The following RNF150 variants were observed in gnomAD, a reference collection of about 807,000 sequenced individuals.
RNF150 encodes ring finger protein 150.
A neutral mutation model predicts 39.3 loss-of-function variants in RNF150; 24 were observed. The ratio of observed to expected loss-of-function variants is 0.61; its 90% CI spans 0.44 to 0.86. The LOEUF (loss-of-function observed/expected upper bound fraction) is 0.86. Ranked by LOEUF, RNF150 falls within the 40% of genes least tolerant of loss-of-function variation. RNF150 has a pLI of 0.00. For missense variants in RNF150, 502 were observed against 587.8 expected, an observed-to-expected ratio of 0.85 and a Z score of 1.51; for synonymous variants, 255 against 227.3, an observed-to-expected ratio of 1.12 and a Z score of -1.10.
chr4:140,881,753 T>C (rs1383653273), intron 6 of RNF150, among the ~76,000 whole-genome samples: 1 of 152,106 alleles, frequency 6.6e-6, no homozygotes, highest in Non-Finnish European at 1.5e-5. Flanking sequence ...TAGTGACATG[T>C]ACCTGCAGTC....
chr4:141,125,747 T>C (rs941588388), intron 1 of RNF150, among the ~76,000 whole-genome samples: 3 of 152,200 alleles, frequency 2.0e-5, no homozygotes, highest in African/African-American at 7.2e-5. Flanking sequence ...TCCAGGTTCT[T>C]TCTGGACCTT....
chr4:141,130,668 A>C (rs1268492809), intron 1 of RNF150, among the ~76,000 whole-genome samples: 15 of 152,246 alleles, frequency 9.9e-5, no homozygotes. Flanking sequence ...AATCTCACAA[A>C]GTCAGCTAAC....
At position 140,895,859 on chromosome 4, in the gene RNF150, A is replaced by G. The variant is rs539391035; in HGVS notation, c.1198+15285T>C. 1.2e-4 allele frequency among the ~76,000 whole-genome samples: 19 copies of G among 152,304 alleles called. No homozygotes were observed. In the South Asian group the frequency reaches 3.5e-3, roughly 28 times the overall value. ...ATTTCAGTATCTAAGATTTTTAAAG[A>G]ATTTTTTTTCTGCGAAGGACATGAA... On this transcript the variant is annotated intron_variant, in intron 6 of 6. Transcript: ENST00000515673.
At chr4:141,065,693 A>C (rs908219659) in intron 1 of RNF150, among the ~76,000 whole-genome samples, 2 of 152,104 alleles carry the variant, frequency 1.3e-5, no homozygotes, top group African/African-American at 4.8e-5. Context: ...CCAGTCCTTA[A>C]TAATAATAAA....
intron 1 of RNF150, among the ~76,000 whole-genome samples, chr4:141,040,430 A>G (rs1265230764): frequency 6.6e-6 from 1 of 152,188 alleles, no homozygotes; most frequent in Non-Finnish European, 1.5e-5. Flanking sequence ...CAAAATTATA[A>G]CAATACTAAT....
At chr4:141,199,984 T>C (rs892685271) in intron 1 of RNF150, among the ~76,000 whole-genome samples, 1 of 152,194 alleles carries the variant, frequency 6.6e-6, no homozygotes, top group Non-Finnish European at 1.5e-5. Flanking sequence ...ATATACATAT[T>C]GACAAGTGCT....
chr4:141,149,902 T>A (rs891341914), intron 1 of RNF150, among the ~76,000 whole-genome samples: 23 of 152,336 alleles, frequency 1.5e-4, no homozygotes, highest in African/African-American at 4.6e-4. Context: ...ATCGATTTTT[T>A]AAAATTTATT....
intron 1 of RNF150, among the ~76,000 whole-genome samples, chr4:141,131,493 G>C (rs1419644300): frequency 6.6e-6 from 1 of 152,194 alleles, no homozygotes; most frequent in Non-Finnish European, 1.5e-5. Context: ...CCTACCACCA[G>C]GGAAACATTG....
At chr4:141,022,245 G>T (rs1024122460) in intron 1 of RNF150, among the ~76,000 whole-genome samples, 13 of 151,840 alleles carry the variant, frequency 8.6e-5, no homozygotes, top group African/African-American at 3.1e-4. Context: ...CCTGCAGGCT[G>T]GTGGAATAAC....
At chr4:141,109,845 A>C (rs1020514558) in intron 1 of RNF150, among the ~76,000 whole-genome samples, 1 of 152,194 alleles carries the variant, frequency 6.6e-6, no homozygotes, top group Non-Finnish European at 1.5e-5. Context: ...GAAAGAAAGA[A>C]AATACAGTAA....
chr4:141,160,408 A>G (rs192383557), intron 1 of RNF150, among the ~76,000 whole-genome samples: 1 of 152,338 alleles, frequency 6.6e-6, no homozygotes, highest in Non-Finnish European at 1.5e-5. Flanking sequence ...ATATTTGTAT[A>G]AATCTAAATG....
chr4:140,986,765 AGCAGTCCT>A (rs1734029243), intron 1 of RNF150, among the ~76,000 whole-genome samples: 1 of 152,034 alleles, frequency 6.6e-6, no homozygotes, highest in African/African-American at 2.4e-5. Context: ...ACAATTATGA[AGCAGTCCT>A]AGTCACAGTA....
chr4:141,087,362 T>C (rs1349172574), intron 1 of RNF150, among the ~76,000 whole-genome samples: 1 of 152,188 alleles, frequency 6.6e-6, no homozygotes, highest in Non-Finnish European at 1.5e-5. Context: ...ATATACTGCA[T>C]TTTCCATGTG....
At chr4:141,117,298 T>C (rs560288913) in intron 1 of RNF150, among the ~76,000 whole-genome samples, 3 of 152,332 alleles carry the variant, frequency 2.0e-5, no homozygotes, top group African/African-American at 7.2e-5. Context: ...ATATATCTAA[T>C]AACAATGGCA....
chr4:141,192,266 T>A (rs1358226210), intron 1 of RNF150, among the ~76,000 whole-genome samples: 1 of 152,204 alleles, frequency 6.6e-6, no homozygotes, highest in Non-Finnish European at 1.5e-5. Flanking sequence ...TCATTTCCAA[T>A]AAGCAGGTGA....
At chr4:140,910,805 C>G (rs765254490) in intron 6 of RNF150, among the ~76,000 whole-genome samples, 8 of 152,320 alleles carry the variant, frequency 5.3e-5, no homozygotes, top group Non-Finnish European at 1.0e-4. Flanking sequence ...AGTTGCTCCC[C>G]TCACCTGCCC....
chr4:140,962,085 T>TA (rs1733055611), intron 2 of RNF150, among the ~76,000 whole-genome samples: 1 of 146,182 alleles, frequency 6.8e-6, no homozygotes, highest in Admixed American at 7.0e-5. Context: ...CTCTCTACTC[T>TA]CTCTCTCTCT....
At chr4:141,189,128 C>G (rs919068561) in intron 1 of RNF150, among the ~76,000 whole-genome samples, 4 of 152,138 alleles carry the variant, frequency 2.6e-5, no homozygotes, top group Non-Finnish European at 5.9e-5. Context: ...TTCATTCTGT[C>G]AGGCCCCTTT....
chr4:140,971,955 T>C (rs1328188203), intron 1 of RNF150, among the ~76,000 whole-genome samples: 1 of 152,098 alleles, frequency 6.6e-6, no homozygotes, highest in Non-Finnish European at 1.5e-5. Context: ...TTTTTCAACC[T>C]CCTGTATTCT....
Sources: gnomAD v4.1 joint callset for allele counts (sites outside exome capture counted in the v4.1 genomes callset) on GRCh38, gnomAD v4.1.1 for gene constraint, MANE v1.5 for transcripts, NCBI Gene and HGNC (gene_info 2026-07-23, HGNC 2026-07-21) for gene names.